The following EI24 variants were observed in gnomAD, a reference collection of about 807,000 sequenced individuals.
EI24 encodes etoposide-induced protein 2.4 homolog.
Under a neutral mutation model 48.6 loss-of-function variants are expected in EI24, and 21 were observed. That is an observed-to-expected ratio of 0.43 (90% CI 0.31 to 0.62). The LOEUF (loss-of-function observed/expected upper bound fraction) is 0.62, where lower values mean the gene tolerates loss of function less well. EI24 is among the 20% of genes least tolerant of loss of function. EI24 has a pLI of 0.10. For synonymous variants in EI24, 114 were observed against 145.5 expected (o/e 0.78, Z 1.56); for missense variants, 280 against 410.5 (o/e 0.68, Z 2.75).
intron 7 of EI24, among the ~76,000 whole-genome samples, chr11:125,579,332 CTT>C (rs1938888311): frequency 6.6e-6 from 1 of 150,906 alleles, no homozygotes; most frequent in Non-Finnish European, 1.5e-5. Flanking sequence ...AACTTTTTTT[CTT>C]TTTATAGTTA....
chr11:125,580,027 G>A, intron 7 of EI24, 66 bp from the exon 8 acceptor site: 1 of 1,251,702 alleles, frequency 8.0e-7, no homozygotes, highest in Non-Finnish European at 1.2e-6. Flanking sequence ...TGATTGGAGA[G>A]TGACAGGTGA....
At chr11:125,577,319 T>G (rs1358120968) in intron 4 of EI24, among the ~76,000 whole-genome samples, 185 bp from the exon 5 acceptor site, 1 of 152,228 alleles carries the variant, frequency 6.6e-6, no homozygotes. Context: ...CTCGAACTCC[T>G]GACCTCAAGT....
chr11:125,578,354 C>A, intron 6 of EI24, 97 bp downstream of exon 6: 1 of 1,517,348 alleles, frequency 6.6e-7, no homozygotes, highest in South Asian at 1.2e-5. Flanking sequence ...GTAGGGGGAC[C>A]TGTTTTTCAG....
chr11:125,581,673 A>C (rs1239870901), intron 9 of EI24, among the ~76,000 whole-genome samples: 2 of 145,838 alleles, frequency 1.4e-5, no homozygotes, highest in Non-Finnish European at 1.5e-5. Context: ...CAGCCTCCCA[A>C]GTAGCTGGGA....
rs1388706495 is a variant in EI24, at chr11:125,575,297, T to A, written c.77T>A (p.Ile26Asn). ...IKDSIWGICT[I>N]SKLDARIQQK... ...GACTCCATCTGGGGTATTTGTACCATCTCAAAGCTAGATGCTCGAATCCAG... is the reference window on the plus strand; with the variant it reads ...GACTCCATCTGGGGTATTTGTACCAACTCAAAGCTAGATGCTCGAATCCAG... Residue 26 changes from isoleucine (I) to asparagine (N), a missense_variant, in exon 3 of 11, where the codon ATC becomes AAC. By Grantham distance (149) the Ile-to-Asn change is moderately radical. Transcript: ENST00000278903. 6.4e-7 allele frequency: 1 copy of A among 1,554,138 alleles called. No individual in the cohort carries two copies. Among genetic ancestry groups the A allele is most frequent in the Non-Finnish European group, 8.7e-7 (1 of 1,148,490 alleles).
At chr11:125,569,773 T>C (rs1938462224) in intron 1 of EI24, 200 bp downstream of exon 1, 3 of 295,974 alleles carry the variant, frequency 1.0e-5, no homozygotes, top group Middle Eastern at 9.3e-4. Flanking sequence ...GGCGCAGCTA[T>C]CTTTAGCTCC....
At position 125,578,934 on chromosome 11, in the gene EI24, C is replaced by G; in HGVS notation, c.442-15C>G. 3 of 1,565,574 alleles carry G rather than the reference C, an allele frequency of 1.9e-6. No individual in the cohort carries two copies. Among genetic ancestry groups the G allele is most frequent in the Non-Finnish European group, 2.6e-6 (3 of 1,153,788 alleles). On this transcript the variant is annotated splice_polypyrimidine_tract_variant and intron_variant, in intron 6 of 10. Transcript: ENST00000278903. ...GCCATTTAATTCATGTTTTGGTACA[C>G]TTTCTCTGTTACAGGATATAGCTGA...
At chr11:125,572,952 G>A (rs1472785341) in intron 2 of EI24, among the ~76,000 whole-genome samples, 2 of 151,194 alleles carry the variant, frequency 1.3e-5, no homozygotes, top group Non-Finnish European at 2.9e-5. Flanking sequence ...ACATATAACC[G>A]TGGTATATTT....
chr11:125,583,224 C>T (rs1939088313), intron 10 of EI24, among the ~76,000 whole-genome samples: 1 of 152,132 alleles, frequency 6.6e-6, no homozygotes, highest in Non-Finnish European at 1.5e-5. Flanking sequence ...CCTCAGCCTC[C>T]TGGGTAGCTG....
At chr11:125,577,417 C>G in intron 4 of EI24, 87 bp from the exon 5 acceptor site, 2 of 1,309,230 alleles carry the variant, frequency 1.5e-6, no homozygotes. Context: ...AAAGTCACTC[C>G]CATCTATAAA....
Position 125,583,488 on chromosome 11 carries a change from G to C in EI24, c.861-33G>C, listed in dbSNP as rs1200096785. The C allele has an allele frequency of 4.0e-6, 6 of 1,513,288 alleles. No individual in the cohort carries two copies. In the African/African-American group the frequency reaches 7.0e-5, roughly 18 times the overall value. 93.7% of individuals were successfully genotyped at this position (1,513,288 alleles called of 1,614,324 possible). A position where few individuals can be genotyped will look rare whatever the true frequency, so the allele number is the denominator to read the frequency against. Reference sequence around the variant, plus strand: ...CAACGGAAATAATTTTGAGTAACTGGGGAGCTAACAAGTTGGGTTTCTTGC... The same window carrying C: ...CAACGGAAATAATTTTGAGTAACTGCGGAGCTAACAAGTTGGGTTTCTTGC... On this transcript the variant is annotated intron_variant, in intron 10 of 10. Coordinates refer to ENST00000278903, the MANE Select transcript of EI24 (RefSeq NM_004879.5).
Position 125,574,251 on chromosome 11 carries a change from TA to T in EI24, c.43-997del, listed in dbSNP as rs745907288. ...CTGGGCGACAGAGTAAGACTCTGTT[TA>T]AAAAAAAAAAAAAATTCAACCCTGT... On this transcript the variant is annotated intron_variant, in intron 2 of 10. Coordinates refer to ENST00000278903, the MANE Select transcript of EI24 (RefSeq NM_004879.5). 5.8e-3 allele frequency among the ~76,000 whole-genome samples: 822 copies of T among 142,216 alleles called. 5 individuals carry two copies. Among genetic ancestry groups the T allele is most frequent in the African/African-American group, 0.012 (472 of 38,902 alleles). The allele number at this position is 142,216 out of a possible 152,430, so 93.3% of individuals were successfully genotyped here.
At chr11:125,571,328 G>A (rs1165368018) in intron 1 of EI24, among the ~76,000 whole-genome samples, 1 of 152,154 alleles carries the variant, frequency 6.6e-6, no homozygotes, top group Non-Finnish European at 1.5e-5. Flanking sequence ...GCCTGAAAGT[G>A]GGTTTTCTAT....
chr11:125,580,081 T>C lies in EI24; in HGVS notation c.562-12T>C. ...GGCTTTGGGATTAAGATTTTCCATA[T>C]TTGTTCTTCAGGGAATGTTTGTGAG... On this transcript the variant is annotated splice_polypyrimidine_tract_variant and intron_variant, in intron 7 of 10. Coordinates refer to ENST00000278903, the MANE Select transcript of EI24 (RefSeq NM_004879.5). The C allele has an allele frequency of 6.2e-7, 1 of 1,602,802 alleles. No individual in the cohort carries two copies.
At chr11:125,575,683 T>C (rs1418982056) in intron 3 of EI24, 3 of 259,414 alleles carry the variant, frequency 1.2e-5, no homozygotes, top group Admixed American at 4.7e-5. Flanking sequence ...TATGTATTAA[T>C]AGAAGAACCC....
At chr11:125,581,077 A>AAATAAT (rs145007951) in intron 8 of EI24, 134 bp from the exon 9 acceptor site, 3,142 of 193,310 alleles carry the variant, frequency 0.016, 49 homozygotes, top group African/African-American at 0.048. Flanking sequence ...ACTCCATCTC[A>AAATAAT]AATAATAATA....
rs558889722 is a variant in EI24 at position 125,578,319 on chromosome 11, T to G, written c.441+62T>G. Reference sequence around the variant, plus strand: ...CATGATTGGCTGACAGGTGACAAGTTTCAGCCTGTGAAGTTAGTGGGCATG... The same window carrying G: ...CATGATTGGCTGACAGGTGACAAGTGTCAGCCTGTGAAGTTAGTGGGCATG... On this transcript the variant is annotated intron_variant, in intron 6 of 10. Transcript: ENST00000278903. 9.6e-4 allele frequency: 1,542 copies of G among 1,607,994 alleles called. 29 individuals are homozygous for G. The South Asian group carries it at 0.016, about 16-fold the overall frequency.
At chr11:125,573,094 C>T (rs1031256891) in intron 2 of EI24, among the ~76,000 whole-genome samples, 6 of 151,678 alleles carry the variant, frequency 4.0e-5, no homozygotes, top group African/African-American at 1.2e-4. Flanking sequence ...AAAGTAGAGA[C>T]GAAGTTTTGG....
intron 1 of EI24, among the ~76,000 whole-genome samples, 162 bp from the exon 2 acceptor site, chr11:125,572,296 A>T (rs1938561140): frequency 1.3e-5 from 2 of 152,248 alleles, no homozygotes; most frequent in African/African-American, 4.8e-5. Context: ...TTTAGGTTTC[A>T]GCTGTACAGG....
Sources: gnomAD v4.1 joint callset for allele counts (sites outside exome capture counted in the v4.1 genomes callset) on GRCh38, gnomAD v4.1.1 for gene constraint, MANE v1.5 for transcripts, NCBI Gene and HGNC (gene_info 2026-07-23, HGNC 2026-07-21) for gene names.